The following LRP2BP variants were observed in gnomAD, a reference collection of about 807,000 sequenced individuals.
LRP2BP encodes the protein LRP2-binding protein.
Under a neutral mutation model 45.2 loss-of-function variants are expected in LRP2BP, and 38 were observed. That is an observed-to-expected ratio of 0.84 (90% CI 0.65 to 1.10). The LOEUF is 1.10. Ranked by LOEUF, LRP2BP falls within the 50% of genes least tolerant of loss-of-function variation. The pLI is 0.00. For missense variants in LRP2BP, 385 were observed against 418.9 expected, an observed-to-expected ratio of 0.92 and a Z score of 0.71; for synonymous variants, 153 against 153.9, an observed-to-expected ratio of 0.99 and a Z score of 0.04.
chr4:185,370,689 C>G lies in LRP2BP; in HGVS notation c.929G>C (p.Gly310Ala), dbSNP rs1188468616. Residue 310 changes from glycine to alanine, a missense_variant, in exon 8 of 9, where the codon GGC becomes GCC. Transcript: ENST00000505916. ...SFYHARCLQL[G>A]LGITRDETTA... is the part of the protein sequence containing the mutation. ...TGTTTCATCCCTGGTGATGCCCAAG[C>G]CAAGCTGAAGACACCTTGCGTGGTA... The G allele has an allele frequency of 6.2e-7, 1 of 1,613,894 alleles. No homozygotes were observed. The highest frequency in any genetic ancestry group is 1.3e-5 in the African/African-American group (1 of 74,856).
chr4:185,392,238 C>T (rs1301211603), intron 1 of LRP2BP, among the ~76,000 whole-genome samples: 2 of 152,176 alleles, frequency 1.3e-5, no homozygotes, highest in East Asian at 3.8e-4. Flanking sequence ...TCTCCAAGTT[C>T]TTATCACAAC....
chr4:185,371,096 C>T (rs568253811), intron 7 of LRP2BP: 1 of 300,144 alleles, frequency 3.3e-6, no homozygotes, highest in Non-Finnish European at 6.3e-6. Context: ...AATATTACTA[C>T]TGGAAGTTTA....
At chr4:185,394,156 G>T (rs1303974782) in intron 1 of LRP2BP, among the ~76,000 whole-genome samples, 7 of 151,866 alleles carry the variant, frequency 4.6e-5, no homozygotes, top group Non-Finnish European at 1.0e-4. Flanking sequence ...TACTTGGGTG[G>T]CTGACGCACG....
At chr4:185,379,347 T>G (rs1036962158) in intron 1 of LRP2BP, among the ~76,000 whole-genome samples, 20 of 152,328 alleles carry the variant, frequency 1.3e-4, no homozygotes, top group Admixed American at 3.9e-4. Context: ...AGCACTCATT[T>G]ATGACTGAAA....
chr4:185,369,673 T>A, intron 8 of LRP2BP: 1 of 400,378 alleles, frequency 2.5e-6, no homozygotes, highest in South Asian at 1.9e-5. Flanking sequence ...TGTTTTAATA[T>A]GGCTTTGATG....
At chr4:185,384,933 C>T (rs1010311921) in intron 1 of LRP2BP, among the ~76,000 whole-genome samples, 8 of 139,272 alleles carry the variant, frequency 5.7e-5, no homozygotes, top group South Asian at 5.3e-4. Flanking sequence ...CAGCTAGGTC[C>T]GTTTGTGTGT....
intron 1 of LRP2BP, among the ~76,000 whole-genome samples, chr4:185,389,167 C>A (rs561621352): frequency 1.3e-5 from 2 of 152,104 alleles, no homozygotes; most frequent in Non-Finnish European, 2.9e-5. Flanking sequence ...ATGTGAGCCA[C>A]TACACCTGGC....
chr4:185,377,121 G>A, intron 2 of LRP2BP, 103 bp from the exon 3 acceptor site: 1 of 816,028 alleles, frequency 1.2e-6, no homozygotes, highest in African/African-American at 1.7e-5. Context: ...TGACATTCTT[G>A]CTTTCTAGTG....
In LRP2BP at chr4:185,378,267, G is replaced by A. The variant is rs2095444818; in HGVS notation, c.-21-60C>T. On this transcript the variant is annotated intron_variant, in intron 1 of 8. Coordinates refer to ENST00000505916, the MANE Select transcript of LRP2BP (RefSeq NM_001377440.1). ...TTCTTCCTCCAGCGAAGTGCAAAGAGAGACTCTATTCCCACCAGGTGCTCA... is the reference window on the plus strand; with the variant it reads ...TTCTTCCTCCAGCGAAGTGCAAAGAAAGACTCTATTCCCACCAGGTGCTCA... 3.2e-6 allele frequency: 5 copies of A among 1,587,038 alleles called. No homozygotes were observed. The South Asian group carries it at 4.6e-5, about 15-fold the overall frequency.
chr4:185,374,048 G>A (rs967633536), intron 6 of LRP2BP, 87 bp downstream of exon 6: 36 of 1,089,330 alleles, frequency 3.3e-5, no homozygotes, highest in Admixed American at 2.4e-4. Context: ...TATTTAAAAC[G>A]ACATTCCCCA....
chr4:185,392,865 C>T (rs543604956), intron 1 of LRP2BP, among the ~76,000 whole-genome samples: 1 of 152,170 alleles, frequency 6.6e-6, no homozygotes, highest in African/African-American at 2.4e-5. Context: ...GACTTCAATG[C>T]TTTGGCGTTA....
At chr4:185,393,347 ACTC>A (rs1205726834) in intron 1 of LRP2BP, among the ~76,000 whole-genome samples, 7 of 151,970 alleles carry the variant, frequency 4.6e-5, no homozygotes, top group African/African-American at 1.2e-4. Context: ...ATTCTCAATT[ACTC>A]CTCCTTTCAA....
chr4:185,392,186 A>G (rs1343486410), intron 1 of LRP2BP, among the ~76,000 whole-genome samples: 3 of 152,226 alleles, frequency 2.0e-5, no homozygotes, highest in Non-Finnish European at 4.4e-5. Flanking sequence ...GGAATATATA[A>G]CCAGGAGGAG....
At position 185,365,502 on chromosome 4, in the gene LRP2BP, TCC is replaced by T. The variant is rs2095383851; in HGVS notation, c.*1676_*1677del. On this transcript the variant is annotated 3_prime_UTR_variant, in exon 9 of 9. Coordinates refer to ENST00000505916, the MANE Select transcript of LRP2BP (RefSeq NM_001377440.1). ...TCCCGAGTAGCTGGGACTACAGGCG[TCC>T]GCCATCACGCCCGGCTAATTTTTGT... 1 of 151,892 alleles carries T rather than the reference TCC, an allele frequency of 6.6e-6. No homozygotes were observed. Among genetic ancestry groups the T allele is most frequent in the African/African-American group, 2.4e-5 (1 of 41,346 alleles). The allele number at this position is 151,892 out of a possible 1,614,324, so 9.4% of individuals were successfully genotyped here. A position where few individuals can be genotyped will look rare whatever the true frequency, so the allele number is the denominator to read the frequency against.
In LRP2BP at chr4:185,364,544, T is replaced by C. The variant is rs1393033067; in HGVS notation, c.*2636A>G. 6.6e-6 allele frequency: 1 copy of C among 152,236 alleles called. No homozygotes were observed. The highest frequency in any genetic ancestry group is 2.4e-5 in the African/African-American group (1 of 41,460). 9.4% of individuals were successfully genotyped at this position (152,236 alleles called of 1,614,324 possible). On this transcript the variant is annotated 3_prime_UTR_variant, in exon 9 of 9. Transcript: ENST00000505916. ...CTAGGATGTAACCTATGCCAGTTTA[T>C]ATACGTATGATATACATATCATACC...
chr4:185,369,091 G>C (rs186404842), intron 8 of LRP2BP, among the ~76,000 whole-genome samples: 1 of 151,942 alleles, frequency 6.6e-6, no homozygotes, highest in African/African-American at 2.4e-5. Context: ...ACGGTACCTG[G>C]ACTTTTTTTG....
At chr4:185,387,594 T>A (rs982726110) in intron 1 of LRP2BP, among the ~76,000 whole-genome samples, 1 of 152,192 alleles carries the variant, frequency 6.6e-6, no homozygotes, top group Non-Finnish European at 1.5e-5. Flanking sequence ...GAATTGCAAG[T>A]AAGAGACTGT....
chr4:185,396,711 G>A (rs893150185), upstream of LRP2BP: 57 of 583,342 alleles, frequency 9.8e-5, no homozygotes, highest in Admixed American at 1.4e-3. Context: ...TGCGGCCGTG[G>A]CGGGGCTGGA....
intron 1 of LRP2BP, among the ~76,000 whole-genome samples, chr4:185,381,601 C>T (rs1050916969): frequency 6.6e-6 from 1 of 152,158 alleles, no homozygotes; most frequent in Non-Finnish European, 1.5e-5. Context: ...GAATATAAAT[C>T]ACCCATTCAA....
Sources: allele counts gnomAD v4.1 joint callset (sites outside exome capture counted in the v4.1 genomes callset), GRCh38; gene constraint gnomAD v4.1.1; transcripts MANE v1.5; gene names NCBI Gene and HGNC (gene_info 2026-07-23, HGNC 2026-07-21).